The following ZNF765 variants were observed in gnomAD, a reference collection of about 807,000 sequenced individuals.
ZNF765 encodes zinc finger protein 765.
ZNF765 carries 37 observed loss-of-function variants against 44.7 expected under a neutral mutation model. That is an observed-to-expected ratio of 0.83 (90% CI 0.64 to 1.09). The LOEUF (loss-of-function observed/expected upper bound fraction) is 1.09, where lower values mean the gene tolerates loss of function less well. Ranked by LOEUF, ZNF765 falls within the 50% of genes least tolerant of loss-of-function variation. ZNF765 has a pLI of 0.00. For synonymous variants in ZNF765, 201 were observed against 213.7 expected, an observed-to-expected ratio of 0.94 and a Z score of 0.52; for missense variants, 594 against 626.1, an observed-to-expected ratio of 0.95 and a Z score of 0.55.
intron 2 of ZNF765, among the ~76,000 whole-genome samples, chr19:53,401,435 C>T (rs1438301215): frequency 1.3e-5 from 2 of 151,874 alleles, no homozygotes; most frequent in Non-Finnish European, 2.9e-5. Context: ...TGGTGGTGGG[C>T]GCCTGTAGTC....
intron 2 of ZNF765, among the ~76,000 whole-genome samples, chr19:53,400,094 G>T (rs2085708213): frequency 6.6e-6 from 1 of 152,108 alleles, no homozygotes; most frequent in South Asian, 2.1e-4. Context: ...TTACAGGCAT[G>T]AGCCACCGCA....
intron 3 of ZNF765, among the ~76,000 whole-genome samples, chr19:53,405,493 A>T (rs2085764987): frequency 6.6e-6 from 1 of 151,836 alleles, no homozygotes; most frequent in Non-Finnish European, 1.5e-5. Context: ...GAAAGTGGGA[A>T]ATCCAAGAGC....
intron 2 of ZNF765, among the ~76,000 whole-genome samples, chr19:53,400,844 T>C (rs2085718883): frequency 1.3e-5 from 2 of 150,580 alleles, no homozygotes; most frequent in East Asian, 4.0e-4. Flanking sequence ...ATATTTTCTT[T>C]TGTTTTGAGA....
intron 3 of ZNF765, among the ~76,000 whole-genome samples, chr19:53,418,071 T>A (rs1034738575): frequency 1.3e-5 from 2 of 152,198 alleles, no homozygotes; most frequent in African/African-American, 4.8e-5. Context: ...ACATGTTTTC[T>A]TGGTAATTAT....
In ZNF765 at chr19:53,409,192, G is replaced by T; in HGVS notation, c.*65G>T. 1 of 1,388,498 alleles carries T rather than the reference G, an allele frequency of 7.2e-7. No individual in the cohort carries two copies. Among genetic ancestry groups the T allele is most frequent in the South Asian group, 1.2e-5 (1 of 85,536 alleles). 86.0% of individuals were successfully genotyped at this position (1,388,498 alleles called of 1,614,324 possible). A position where few individuals can be genotyped will look rare whatever the true frequency, so the allele number is the denominator to read the frequency against. On this transcript the variant is annotated 3_prime_UTR_variant, in exon 4 of 4. Coordinates refer to ENST00000396408, the MANE Select transcript of ZNF765 (RefSeq NM_001040185.3). The stretch of plus-strand genomic sequence containing the variant: ...ATGCCATCGTAGGCTTCATAGTGGA[G>T]AGAAACCTTACAAATATGAAGAACT...
At chr19:53,414,495 C>A (rs868104890), downstream of ZNF765, among the ~76,000 whole-genome samples, 2,093 of 16,632 alleles carry the variant, frequency 0.13, 695 homozygotes, top group East Asian at 0.44. Context: ...ACACACCCCC[C>A]CCCCCCCCCC....
At chr19:53,398,471 T>G (rs988250532) in intron 2 of ZNF765, among the ~76,000 whole-genome samples, 1 of 152,208 alleles carries the variant, frequency 6.6e-6, no homozygotes, top group Non-Finnish European at 1.5e-5. Context: ...CTGCCTGATT[T>G]TATACTACAT....
chr19:53,408,513 A>C lies in ZNF765; in HGVS notation c.958A>C (p.Ile320Leu). 6.2e-7 allele frequency: 1 copy of C among 1,612,086 alleles called. No individual in the cohort carries two copies. Among genetic ancestry groups the C allele is most frequent in the Non-Finnish European group, 8.5e-7 (1 of 1,179,196 alleles). Residue 320 changes from isoleucine to leucine, a missense_variant, in exon 4 of 4, where the codon ATT becomes CTT. By Grantham distance (5) the Ile-to-Leu change is conservative. This residue lies in a region of ZNF765 where 567 missense variants were observed against 572.6 expected (regional missense o/e 0.99). Transcript: ENST00000396408. ...FKSKLQIHRR[I>L]HTGEKPYKCN... ...ATCAAAGCTTCAAATACATAGGAGA[A>C]TTCATACTGGAGAGAAACCGTACAA... is the stretch of plus-strand genomic sequence containing the variant.
At chr19:53,414,434 ACCAC>A (rs2085858170), downstream of ZNF765, among the ~76,000 whole-genome samples, 4 of 51,782 alleles carry the variant, frequency 7.7e-5, no homozygotes, top group Non-Finnish European at 1.4e-4. Context: ...GACCCTCCCC[ACCAC>A]ACACACACAC....
In ZNF765 at chr19:53,408,182, T is replaced by C. The variant is rs202186980; in HGVS notation, c.627T>C (p.His209=). The change falls in exon 4 of 4, where the codon CAT becomes CAC. Residue 209 remains histidine, a synonymous_variant. Coordinates refer to ENST00000396408, the MANE Select transcript of ZNF765 (RefSeq NM_001040185.3). Reference sequence around the variant, plus strand: ...TATTCACACAAAAACAGGAAGTACATATGAGGGAAAAATCTTTCCAATGCA... The same window carrying C: ...TATTCACACAAAAACAGGAAGTACACATGAGGGAAAAATCTTTCCAATGCA... The part of the protein sequence containing the change: ...SSLFTQKQEV[H]MREKSFQCND... 6.8e-5 allele frequency: 109 copies of C among 1,614,136 alleles called. 1 individual carries two copies. Among genetic ancestry groups the C allele is most frequent in the Non-Finnish European group, 5.1e-6 (6 of 1,179,996 alleles).
At chr19:53,412,275 T>G (rs1395612569), downstream of ZNF765, among the ~76,000 whole-genome samples, 1 of 152,248 alleles carries the variant, frequency 6.6e-6, no homozygotes, top group Admixed American at 6.5e-5. Flanking sequence ...CTCCCTCTAT[T>G]AAGATGATGT....
intron 2 of ZNF765, among the ~76,000 whole-genome samples, chr19:53,400,438 T>A (rs1381995108): frequency 6.6e-6 from 1 of 152,066 alleles, no homozygotes; most frequent in Admixed American, 6.6e-5. Flanking sequence ...GGTGATTACT[T>A]CCTCTAGGAT....
In ZNF765 at chr19:53,409,040, A is replaced by T. The variant is rs2085808328; in HGVS notation, c.1485A>T (p.Lys495Asn). The T allele has an allele frequency of 6.2e-7, 1 of 1,613,804 alleles. No individual in the cohort carries two copies. The highest frequency in any genetic ancestry group is 1.3e-5 in the African/African-American group (1 of 74,854). Residue 495 changes from lysine (K) to asparagine (N), a missense_variant, in exon 4 of 4, where the codon AAA (lysine) becomes AAT (asparagine). Transcript: ENST00000396408. ...TTCATACTGGACAGAAACCTTACAAATGTGAAGATTGTGATGAAGCTTTCA... is the reference window on the plus strand; with the variant it reads ...TTCATACTGGACAGAAACCTTACAATTGTGAAGATTGTGATGAAGCTTTCA... ...HRLHTGQKPY[K>N]CEDCDEAFSF...
chr19:53,416,869 G>A (rs1186493744), downstream of ZNF765, among the ~76,000 whole-genome samples: 1 of 151,682 alleles, frequency 6.6e-6, no homozygotes, highest in Non-Finnish European at 1.5e-5. Flanking sequence ...CCAGGCTGGG[G>A]AGCAGTGTTG....
At chr19:53,403,513 A>G (rs945834587) in intron 3 of ZNF765, among the ~76,000 whole-genome samples, 2 of 152,170 alleles carry the variant, frequency 1.3e-5, no homozygotes, top group African/African-American at 4.8e-5. Flanking sequence ...GTTCAATGGT[A>G]CGATCTTGGC....
chr19:53,422,268 T>C (rs1469802278), intron 3 of ZNF765, among the ~76,000 whole-genome samples: 1 of 152,232 alleles, frequency 6.6e-6, no homozygotes, highest in East Asian at 1.9e-4. Flanking sequence ...TGGTGGTTAA[T>C]GCACTCTGAA....
rs1291283401 is a variant in ZNF765, at chr19:53,409,555, T to G, written c.*428T>G. 1 of 1,011,224 alleles carries G rather than the reference T, an allele frequency of 9.9e-7. No individual in the cohort carries two copies. The highest frequency in any genetic ancestry group is 2.7e-5 in the East Asian group (1 of 37,290). 62.6% of individuals were successfully genotyped at this position (1,011,224 alleles called of 1,614,324 possible). ...ACCTTACAAATGTGAAGAATTTGAG[T>G]TTTCCATTTCAAATCAAACCTTGAA... On this transcript the variant is annotated 3_prime_UTR_variant, in exon 4 of 4. Coordinates refer to ENST00000396408, the MANE Select transcript of ZNF765 (RefSeq NM_001040185.3).
At chr19:53,399,274 C>A (rs988252142) in intron 2 of ZNF765, among the ~76,000 whole-genome samples, 1 of 133,092 alleles carries the variant, frequency 7.5e-6, no homozygotes, top group East Asian at 2.4e-4. Context: ...ATATATTTTT[C>A]TATTTAAACA....
rs770450992 is a variant in ZNF765, at chr19:53,409,167, A to G, written c.*40A>G. 3 of 1,523,042 alleles carry G rather than the reference A, an allele frequency of 2.0e-6. No homozygotes were observed. Among genetic ancestry groups the G allele is most frequent in the South Asian group, 1.1e-5 (1 of 89,048 alleles). The allele number at this position is 1,523,042 out of a possible 1,614,324, so 94.3% of individuals were successfully genotyped here. A position where few individuals can be genotyped will look rare whatever the true frequency, so the allele number is the denominator to read the frequency against. ...CCTTCAATCAGGAGTTAACCCTTAC[A>G]TGCCATCGTAGGCTTCATAGTGGAG... On this transcript the variant is annotated 3_prime_UTR_variant, in exon 4 of 4. Coordinates refer to ENST00000396408, the MANE Select transcript of ZNF765 (RefSeq NM_001040185.3).
Sources: allele counts gnomAD v4.1 joint callset (sites outside exome capture counted in the v4.1 genomes callset), GRCh38; gene constraint gnomAD v4.1.1; regional missense constraint gnomAD v4.1.1; transcripts MANE v1.5; gene names NCBI Gene and HGNC (gene_info 2026-07-23, HGNC 2026-07-21).